Variants in FGF1 observed in about 807,000 individuals in gnomAD.
FGF1 encodes the protein beta-endothelial cell growth factor.
In FGF1, 9 loss-of-function variants were observed where a neutral mutation model predicts 13.4. The ratio of observed to expected loss-of-function variants is 0.67; its 90% CI spans 0.40 to 1.17. The LOEUF (loss-of-function observed/expected upper bound fraction) is 1.17. Ranked by LOEUF, FGF1 falls within the 50% of genes most tolerant of loss-of-function variation. The probability of loss-of-function intolerance (pLI) is 0.01; values close to 1 mark genes in which losing one functional copy is unlikely to be tolerated. For missense variants in FGF1, 156 were observed against 192.7 expected (o/e 0.81, Z 1.13); for synonymous variants, 93 against 79.0 (o/e 1.18, Z -0.94).
intron 3 of FGF1, among the ~76,000 whole-genome samples, chr5:142,600,470 A>G (rs190510788): frequency 6.6e-6 from 1 of 152,368 alleles, no homozygotes; most frequent in African/African-American, 2.4e-5. Flanking sequence ...ACATCAATCA[A>G]TCTTTACTCT....
At position 142,663,971 on chromosome 5, in the gene FGF1, A is replaced by G. The variant is rs115191171; in HGVS notation, c.-35+21986T>C. 2.9e-3 allele frequency among the ~76,000 whole-genome samples: 437 copies of G among 152,220 alleles called. 3 individuals carry two copies. The highest frequency in any genetic ancestry group is 0.01 in the African/African-American group (421 of 41,530). On this transcript the variant is annotated intron_variant, in intron 1 of 3. Transcript: ENST00000337706. ...AATCACAAGTGGAGCTCGGGAAAAG[A>G]AAGAGATGGGCCCAAGAAAGAGCCT... is the stretch of plus-strand genomic sequence containing the variant.
At chr5:142,640,089 T>A (rs796682835) in intron 1 of FGF1, among the ~76,000 whole-genome samples, 70 of 152,036 alleles carry the variant, frequency 4.6e-4, no homozygotes, top group African/African-American at 1.6e-3. Flanking sequence ...GAATGAATCA[T>A]ATGTATTTTC....
In FGF1 at chr5:142,608,153, C is replaced by T. The variant is rs17096366; in HGVS notation, c.169+5806G>A. ...CCTGTCCCATCCCAGGCAAATGTAACGATAAGACCACAACTGGTGCATTCA... is the reference window on the plus strand; with the variant it reads ...CCTGTCCCATCCCAGGCAAATGTAATGATAAGACCACAACTGGTGCATTCA... On this transcript the variant is annotated intron_variant, in intron 2 of 3. Transcript: ENST00000337706. 2.3e-3 allele frequency among the ~76,000 whole-genome samples: 352 copies of T among 152,254 alleles called. 2 individuals carry two copies. The South Asian group carries it at 0.026, about 11-fold the overall frequency.
In FGF1 at chr5:142,642,958, C is replaced by G. The variant is rs551933972; in HGVS notation, c.-34-28797G>C. Among the ~76,000 whole-genome samples, 3 of 152,232 alleles carry G rather than the reference C, an allele frequency of 2.0e-5. No homozygotes were observed. The East Asian group carries it at 5.8e-4, about 29-fold the overall frequency. ...ATCTCTCCTAATAAATATATGGTTG[C>G]CTGATTAGGTTAGTCATTATGCTAA... On this transcript the variant is annotated intron_variant, in intron 1 of 3. Transcript: ENST00000337706.
rs73277628 is a variant in FGF1 at position 142,613,366 on chromosome 5, C to T, written c.169+593G>A. On this transcript the variant is annotated intron_variant, in intron 2 of 3. Coordinates refer to ENST00000337706, the MANE Select transcript of FGF1 (RefSeq NM_000800.5). ...GAGATATTCAGCATTTGGCGCTAGT[C>T]GCTCCTACTCTCCAGTTTCTATAAG... Among the ~76,000 whole-genome samples, 832 of 152,368 alleles carry T rather than the reference C, an allele frequency of 5.5e-3. 9 individuals carry two copies. The highest frequency in any genetic ancestry group is 0.018 in the African/African-American group (757 of 41,590).
intron 1 of FGF1, among the ~76,000 whole-genome samples, chr5:142,669,061 C>T (rs1163938806): frequency 6.6e-6 from 1 of 152,244 alleles, no homozygotes; most frequent in African/African-American, 2.4e-5. Context: ...GCATGCATGG[C>T]TGATGCCGCT....
At position 142,640,816 on chromosome 5, in the gene FGF1, C is replaced by T. The variant is rs534118059; in HGVS notation, c.-34-26655G>A. On this transcript the variant is annotated intron_variant, in intron 1 of 3. Coordinates refer to ENST00000337706, the MANE Select transcript of FGF1 (RefSeq NM_000800.5). Reference sequence around the variant, plus strand: ...GGCTGTTTGTGGCAGTCACTGTATCCTACCCTGCAATTAGAGCTATTTGCA... The same window carrying T: ...GGCTGTTTGTGGCAGTCACTGTATCTTACCCTGCAATTAGAGCTATTTGCA... Among the ~76,000 whole-genome samples, 108 of 152,016 alleles carry T rather than the reference C, an allele frequency of 7.1e-4. 1 individual carries two copies. The highest frequency in any genetic ancestry group is 2.5e-3 in the African/African-American group (104 of 41,322).
At chr5:142,623,438 G>A (rs909037019) in intron 1 of FGF1, among the ~76,000 whole-genome samples, 7 of 151,354 alleles carry the variant, frequency 4.6e-5, no homozygotes, top group East Asian at 3.9e-4. Context: ...TCCACCTCCC[G>A]GGTTCAAGTG....
chr5:142,623,864 T>G (rs1395823833), intron 1 of FGF1, among the ~76,000 whole-genome samples: 1 of 151,636 alleles, frequency 6.6e-6, no homozygotes, highest in African/African-American at 2.4e-5. Flanking sequence ...TCCTCCCACC[T>G]CAGCCTCCCA....
At position 142,597,300 on chromosome 5, in the gene FGF1, A is replaced by T. The variant is rs545813845; in HGVS notation, c.274-1816T>A. On this transcript the variant is annotated intron_variant, in intron 3 of 3. Coordinates refer to ENST00000337706, the MANE Select transcript of FGF1 (RefSeq NM_000800.5). ...TAAGTGTACAACTGTATTTTTGAGGATGGTCTCTGAACCAATGGTTATAGG... is the reference window on the plus strand; with the variant it reads ...TAAGTGTACAACTGTATTTTTGAGGTTGGTCTCTGAACCAATGGTTATAGG... Among the ~76,000 whole-genome samples the T allele has an allele frequency of 3.9e-4, 60 of 152,326 alleles. No individual in the cohort carries two copies. In the South Asian group the frequency reaches 0.012, roughly 31 times the overall value.
chr5:142,683,262 T>C (rs1774053104), intron 1 of FGF1, among the ~76,000 whole-genome samples: 1 of 152,164 alleles, frequency 6.6e-6, no homozygotes, highest in Admixed American at 6.5e-5. Flanking sequence ...CCCTGGGAGC[T>C]AGCATACAGG....
At chr5:142,641,839 T>C (rs1765252303) in intron 1 of FGF1, among the ~76,000 whole-genome samples, 1 of 151,002 alleles carries the variant, frequency 6.6e-6, no homozygotes, top group Admixed American at 6.6e-5. Flanking sequence ...ATTCCATTTT[T>C]ACAGATGATA....
intron 1 of FGF1, among the ~76,000 whole-genome samples, chr5:142,647,381 A>C (rs1453970732): frequency 1.3e-5 from 2 of 152,194 alleles, no homozygotes; most frequent in Admixed American, 6.5e-5. Context: ...TTCTCTAAAA[A>C]TCTTTCGCCC....
Position 142,595,074 on chromosome 5 carries a change from C to T in FGF1, c.*216G>A. The T allele has an allele frequency of 2.2e-6, 1 of 454,560 alleles. No homozygotes were observed. Among genetic ancestry groups the T allele is most frequent in the Non-Finnish European group, 3.9e-6 (1 of 258,708 alleles). 28.2% of individuals were successfully genotyped at this position (454,560 alleles called of 1,614,324 possible). ...AGACCCAGACTGGCCAGCCAGTTGA[C>T]TCCTAGAAGCAATTTGGTCCCTCTG... On this transcript the variant is annotated 3_prime_UTR_variant, in exon 4 of 4. Coordinates refer to ENST00000337706, the MANE Select transcript of FGF1 (RefSeq NM_000800.5).
At chr5:142,660,796 A>G (rs1411104287) in intron 1 of FGF1, among the ~76,000 whole-genome samples, 3 of 152,198 alleles carry the variant, frequency 2.0e-5, no homozygotes, top group Admixed American at 2.0e-4. Flanking sequence ...GAAATCCCAC[A>G]GTCTATCTGC....
intron 1 of FGF1, among the ~76,000 whole-genome samples, chr5:142,638,529 T>G (rs1477745466): frequency 6.6e-6 from 1 of 152,022 alleles, no homozygotes; most frequent in Non-Finnish European, 1.5e-5. Flanking sequence ...AGTACAAAGA[T>G]CAACTCAAAA....
Position 142,595,311 on chromosome 5 carries a change from G to T in FGF1, c.447C>A (p.Pro149=). The T allele has an allele frequency of 6.2e-7, 1 of 1,613,906 alleles. No individual in the cohort carries two copies. The highest frequency in any genetic ancestry group is 8.5e-7 in the Non-Finnish European group (1 of 1,179,852). ...HYGQKAILFL[P]LPVSSD is the part of the protein sequence containing the mutation. Reference sequence around the variant, plus strand: ...CTCTTTAATCAGAAGAGACTGGCAGGGGGAGAAACAAGATTGCTTTCTGGC... The same window carrying T: ...CTCTTTAATCAGAAGAGACTGGCAGTGGGAGAAACAAGATTGCTTTCTGGC... The change falls in exon 4 of 4, where the codon CCC becomes CCA. Residue 149 remains proline (P), a synonymous_variant. Transcript: ENST00000337706.
chr5:142,656,948 G>A (rs1013312692), intron 1 of FGF1, among the ~76,000 whole-genome samples: 1 of 151,602 alleles, frequency 6.6e-6, no homozygotes, highest in African/African-American at 2.4e-5. Flanking sequence ...ACAGAGTTTC[G>A]CTTTTGTTGC....
intron 1 of FGF1, among the ~76,000 whole-genome samples, chr5:142,651,588 A>G (rs1767262023): frequency 6.6e-6 from 1 of 152,134 alleles, no homozygotes; most frequent in Non-Finnish European, 1.5e-5. Flanking sequence ...TATATCTACC[A>G]TTATCGTTTC....
Sources: gnomAD v4.1 joint callset for allele counts (sites outside exome capture counted in the v4.1 genomes callset) on GRCh38, gnomAD v4.1.1 for gene constraint, MANE v1.5 for transcripts, NCBI Gene and HGNC (gene_info 2026-07-23, HGNC 2026-07-21) for gene names.